MORN5: variants seen among roughly 807,000 people sequenced by gnomAD.
MORN5 encodes MORN repeat containing 5.
Under a neutral mutation model 22.1 loss-of-function variants are expected in MORN5, and 21 were observed. That is an observed-to-expected ratio of 0.95 (90% CI 0.67 to 1.37). The LOEUF (loss-of-function observed/expected upper bound fraction) is 1.37, where lower values mean the gene tolerates loss of function less well. Ranked by LOEUF, MORN5 falls within the 40% of genes most tolerant of loss-of-function variation. The pLI is 0.00. For missense variants in MORN5, 211 were observed against 215.1 expected, an observed-to-expected ratio of 0.98 and a Z score of 0.12; for synonymous variants, 73 against 74.0, an observed-to-expected ratio of 0.99 and a Z score of 0.07.
intron 4 of MORN5, among the ~76,000 whole-genome samples, chr9:122,195,760 G>A (rs1160117959): frequency 6.6e-6 from 1 of 152,148 alleles, no homozygotes; most frequent in East Asian, 1.9e-4. Context: ...CTCTTTGAAA[G>A]TCACTATGCA....
At chr9:122,193,057 G>T (rs1236416620) in intron 4 of MORN5, among the ~76,000 whole-genome samples, 1 of 152,140 alleles carries the variant, frequency 6.6e-6, no homozygotes. Context: ...TCGGCTCAGG[G>T]AAGGCTAACA....
intron 4 of MORN5, among the ~76,000 whole-genome samples, chr9:122,181,044 C>T (rs1025882250): frequency 6.6e-6 from 1 of 152,228 alleles, no homozygotes; most frequent in African/African-American, 2.4e-5. Context: ...TGATAGACAA[C>T]TTATGATTTT....
In MORN5 at chr9:122,197,257, T is replaced by TTC. The variant is rs368380270; in HGVS notation, c.440-2628_440-2627insTC. On this transcript the variant is annotated intron_variant, in intron 4 of 4. Coordinates refer to ENST00000373764, the MANE Select transcript of MORN5 (RefSeq NM_198469.4). The surrounding 1 kb of genome is among the most constrained non-coding windows in gnomAD (Gnocchi z 5.7). The stretch of plus-strand genomic sequence containing the variant: ...GATTAAAGAGTTTGTGGGGTGTTTT[T>TTC]CCCCCATCTTTTTTCTCCCTCCTTT... 0.032 allele frequency among the ~76,000 whole-genome samples: 4,833 copies of TTC among 152,026 alleles called. 226 individuals carry two copies. The highest frequency in any genetic ancestry group is 0.1 in the African/African-American group (4,303 of 41,388).
At position 122,199,906 on chromosome 9, in the gene MORN5, T is replaced by C. The variant is rs1017071798; in HGVS notation, c.461T>C (p.Ile154Thr). 6.2e-7 allele frequency: 1 copy of C among 1,613,906 alleles called. No individual in the cohort carries two copies. Among genetic ancestry groups the C allele is most frequent in the Admixed American group, 1.7e-5 (1 of 60,016 alleles). ...GCAGATGATGACGAGCATGAGTGGA[T>C]CACCCGTACCTGTCGAAAGGGCTAG... The part of the protein sequence containing the change: ...RNADDDEHEW[I>T]TRTCRKG Residue 154 changes from isoleucine to threonine, a missense_variant, in exon 5 of 5, where the codon ATC (isoleucine) becomes ACC (threonine). Coordinates refer to ENST00000373764, the MANE Select transcript of MORN5 (RefSeq NM_198469.4).
At chr9:122,199,747 G>C in intron 4 of MORN5, 138 bp from the exon 5 acceptor site, 1 of 778,252 alleles carries the variant, frequency 1.3e-6, no homozygotes, top group Non-Finnish European at 2.3e-6. Flanking sequence ...TGAAAGGTCT[G>C]TTCCTCCCCA....
intron 4 of MORN5, among the ~76,000 whole-genome samples, chr9:122,184,084 C>A (rs1265647581): frequency 6.6e-6 from 1 of 152,172 alleles, no homozygotes; most frequent in Non-Finnish European, 1.5e-5. Context: ...TGAGAGCTAA[C>A]CATGACTGAG....
At chr9:122,166,393 G>A (rs1829282941) in intron 1 of MORN5, among the ~76,000 whole-genome samples, 1 of 151,990 alleles carries the variant, frequency 6.6e-6, no homozygotes, top group South Asian at 2.1e-4. Flanking sequence ...TTGGTCATGG[G>A]GGACAGAGAA....
chr9:122,182,129 GA>G (rs1254665488), intron 4 of MORN5, among the ~76,000 whole-genome samples: 1 of 152,202 alleles, frequency 6.6e-6, no homozygotes, highest in African/African-American at 2.4e-5. Context: ...GCCTAACTTT[GA>G]AGGTCTACCT....
chr9:122,199,007 G>A lies in MORN5; in HGVS notation c.440-878G>A, dbSNP rs139608708. Among the ~76,000 whole-genome samples the A allele has an allele frequency of 7.8e-3, 1,189 of 152,276 alleles. 19 individuals carry two copies. Among genetic ancestry groups the A allele is most frequent in the Non-Finnish European group, 9.3e-3 (630 of 68,016 alleles). On this transcript the variant is annotated intron_variant, in intron 4 of 4. Coordinates refer to ENST00000373764, the MANE Select transcript of MORN5 (RefSeq NM_198469.4). ...CCCACCATTGGTGTAGGTCCCTGCAGTGGTGGAGGAGGGGCCCGGTATGGG... is the reference window on the plus strand; with the variant it reads ...CCCACCATTGGTGTAGGTCCCTGCAATGGTGGAGGAGGGGCCCGGTATGGG...
chr9:122,183,754 A>G (rs1486069344), intron 4 of MORN5, among the ~76,000 whole-genome samples: 1 of 152,174 alleles, frequency 6.6e-6, no homozygotes, highest in Non-Finnish European at 1.5e-5. Flanking sequence ...ATAATTCCCA[A>G]TGGTTAAAGA....
At chr9:122,194,072 A>G (rs1001704560) in intron 4 of MORN5, among the ~76,000 whole-genome samples, 4 of 152,316 alleles carry the variant, frequency 2.6e-5, no homozygotes, top group Admixed American at 2.6e-4. Context: ...AGGGCAGGGC[A>G]TGCAGGTGGC....
intron 4 of MORN5, chr9:122,175,346 G>C: frequency 2.1e-6 from 1 of 484,816 alleles, no homozygotes; most frequent in Non-Finnish European, 2.7e-6. Context: ...CTTTAGCCAG[G>C]GGAGTAGGTA....
chr9:122,169,679 A>C lies in MORN5; in HGVS notation c.230A>C (p.Asp77Ala). 6.2e-7 allele frequency: 1 copy of C among 1,614,068 alleles called. No individual in the cohort carries two copies. Among genetic ancestry groups the C allele is most frequent in the Non-Finnish European group, 8.5e-7 (1 of 1,179,976 alleles). ...ACGTTCTCAGATGGGCTGCACTATGATGAGAAAAACTGGCATTACTGCGAC... is the reference window on the plus strand; with the variant it reads ...ACGTTCTCAGATGGGCTGCACTATGCTGAGAAAAACTGGCATTACTGCGAC... ...TYTFSDGLHYDEKNWHYCDGY... is the reference protein window; with the variant it reads ...TYTFSDGLHYAEKNWHYCDGY... Residue 77 changes from aspartate (D) to alanine (A), a missense_variant, in exon 3 of 5, where the codon GAT (aspartate) becomes GCT (alanine). Physicochemically the swap from Asp to Ala is moderately radical, Grantham distance 126. Coordinates refer to ENST00000373764, the MANE Select transcript of MORN5 (RefSeq NM_198469.4).
intron 1 of MORN5, among the ~76,000 whole-genome samples, chr9:122,160,519 TCAA>T (rs1360023669): frequency 6.6e-6 from 1 of 152,044 alleles, no homozygotes; most frequent in African/African-American, 2.4e-5. Flanking sequence ...AAAAAACAAT[TCAA>T]CAGTTTTTTT....
chr9:122,187,047 G>A (rs1031802892), intron 4 of MORN5, among the ~76,000 whole-genome samples: 1 of 152,202 alleles, frequency 6.6e-6, no homozygotes, highest in Non-Finnish European at 1.5e-5. Context: ...GAAAAAATGG[G>A]GACAGAAATA....
Position 122,174,499 on chromosome 9 carries a change from T to TG in MORN5, c.313dup (p.Ala105GlyfsTer10), listed in dbSNP as rs1453702014. 6.2e-7 allele frequency: 1 copy of TG among 1,613,678 alleles called. No homozygotes were observed. The highest frequency in any genetic ancestry group is 1.3e-5 in the African/African-American group (1 of 74,854). On this transcript the variant is annotated frameshift_variant, in exon 4 of 5. Transcript: ENST00000373764. LOFTEE classifies it high-confidence loss of function. ...TTGCCCATTATGTTCTTTCAAGGTA[T>TG]GGCTCAACTCACCAATATGGACCCA...
At chr9:122,166,704 TG>T (rs1829289211) in intron 1 of MORN5, 63 bp from the exon 2 acceptor site, 1 of 1,485,000 alleles carries the variant, frequency 6.7e-7, no homozygotes. Flanking sequence ...CTCACTCTGT[TG>T]CCTGCCAGCT....
intron 1 of MORN5, among the ~76,000 whole-genome samples, chr9:122,163,882 G>A (rs962205631): frequency 1.3e-5 from 2 of 152,138 alleles, no homozygotes; most frequent in African/African-American, 2.4e-5. Context: ...TGAATCATAG[G>A]TTTTGAGGGG....
intron 4 of MORN5, among the ~76,000 whole-genome samples, chr9:122,176,138 G>C (rs1018376504): frequency 2.1e-5 from 3 of 143,632 alleles, no homozygotes; most frequent in African/African-American, 7.9e-5. Context: ...AAAAAAAAAA[G>C]AGCAAGGAGA....
Sources: gnomAD v4.1 joint callset for allele counts (sites outside exome capture counted in the v4.1 genomes callset) on GRCh38, gnomAD v4.1.1 for gene constraint, Gnocchi (gnomAD v3.1) non-coding constraint, MANE v1.5 for transcripts, NCBI Gene and HGNC (gene_info 2026-07-23, HGNC 2026-07-21) for gene names.